The following FILIP1L variants were observed in gnomAD, a reference collection of about 807,000 sequenced individuals.
The protein encoded by FILIP1L is filamin A-interacting protein 1-like.
FILIP1L carries 55 observed loss-of-function variants against 96.6 expected under a neutral mutation model. That is an observed-to-expected ratio of 0.57 (90% CI 0.46 to 0.71). The LOEUF (loss-of-function observed/expected upper bound fraction) is 0.71. Ranked by LOEUF, FILIP1L falls within the 30% of genes least tolerant of loss-of-function variation. The pLI is 0.00. For missense variants in FILIP1L, 1,304 were observed against 1,321.2 expected (o/e 0.99, Z 0.20); for synonymous variants, 467 against 473.9 (o/e 0.99, Z 0.19).
chr3:100,020,698 C>G (rs940719812), intron 1 of FILIP1L, among the ~76,000 whole-genome samples: 1 of 148,610 alleles, frequency 6.7e-6, no homozygotes, highest in Non-Finnish European at 1.5e-5. Flanking sequence ...AATTGCAAAG[C>G]GAGTATACAT....
chr3:99,889,569 A>G (rs1179991349), intron 4 of FILIP1L, among the ~76,000 whole-genome samples: 1 of 151,928 alleles, frequency 6.6e-6, no homozygotes, highest in Non-Finnish European at 1.5e-5. Flanking sequence ...CATTTTGTCT[A>G]TGTTTATAGT....
chr3:100,043,036 G>A (rs1229571075), intron 1 of FILIP1L, among the ~76,000 whole-genome samples: 1 of 152,214 alleles, frequency 6.6e-6, no homozygotes, highest in Non-Finnish European at 1.5e-5. Flanking sequence ...AGCCTTCTTT[G>A]CTCATCTCTC....
intron 1 of FILIP1L, among the ~76,000 whole-genome samples, chr3:99,970,482 T>C (rs954180659): frequency 2.6e-5 from 4 of 152,270 alleles, no homozygotes; most frequent in African/African-American, 9.6e-5. Flanking sequence ...CCCACCCTAT[T>C]TGTGTTCGCT....
chr3:99,829,228 AT>A lies in FILIP1L; in HGVS notation c.*1185del, dbSNP rs71625540. Among the ~76,000 whole-genome samples, 84,888 of 151,816 alleles carry A rather than the reference AT, an allele frequency of 0.56. 24,214 individuals are homozygous for A. Among genetic ancestry groups the A allele is most frequent in the East Asian group, 0.72 (3,705 of 5,146 alleles). On this transcript the variant is annotated 3_prime_UTR_variant, in exon 6 of 6. Coordinates refer to ENST00000477258, the MANE Select transcript of FILIP1L (RefSeq NM_001387850.1). Reference sequence around the variant, plus strand: ...AAAAATGTTTAGTGTCGTTCCATTGATTTTTTTCCCCCCTCGATTGAAGCTT... The same window carrying A: ...AAAAATGTTTAGTGTCGTTCCATTGATTTTTTCCCCCCTCGATTGAAGCTT...
intron 1 of FILIP1L, among the ~76,000 whole-genome samples, chr3:100,055,333 T>C (rs1424096757): frequency 6.6e-6 from 1 of 152,206 alleles, no homozygotes; most frequent in Non-Finnish European, 1.5e-5. Context: ...CCAACATCAC[T>C]GGCACACTCA....
intron 5 of FILIP1L, among the ~76,000 whole-genome samples, chr3:99,842,200 G>A (rs146102945): frequency 1.2e-4 from 19 of 152,262 alleles, no homozygotes; most frequent in African/African-American, 4.3e-4. Context: ...GGATGGAATT[G>A]GAGACTATTG....
chr3:99,830,725 T>C, intron 5 of FILIP1L, 120 bp from the exon 6 acceptor site: 1 of 393,784 alleles, frequency 2.5e-6, no homozygotes, highest in South Asian at 1.9e-5. Flanking sequence ...TTTCTGGGGA[T>C]GTATCAGATC....
At chr3:99,978,276 C>T (rs1709025921) in intron 1 of FILIP1L, among the ~76,000 whole-genome samples, 2 of 152,200 alleles carry the variant, frequency 1.3e-5, no homozygotes, top group Admixed American at 1.3e-4. Context: ...AGCAATCCCA[C>T]TACTGGATAT....
chr3:100,010,149 G>A, intron 1 of FILIP1L: 1 of 973,622 alleles, frequency 1.0e-6, no homozygotes, highest in Non-Finnish European at 1.2e-6. Flanking sequence ...TCTGATTGGA[G>A]CCACATTTCA....
chr3:99,883,009 T>C (rs765674802), intron 4 of FILIP1L, among the ~76,000 whole-genome samples: 7 of 149,178 alleles, frequency 4.7e-5, no homozygotes, highest in Non-Finnish European at 3.0e-5. Context: ...TGCTTGCCAA[T>C]TGGGGGTTCT....
In FILIP1L at chr3:100,114,100, C is replaced by T. The variant is rs1298801475; in HGVS notation, c.-58G>A. 2 of 152,148 alleles carry T rather than the reference C, an allele frequency of 1.3e-5. No homozygotes were observed. The highest frequency in any genetic ancestry group is 3.9e-4 in the East Asian group (2 of 5,188). 9.4% of individuals were successfully genotyped at this position (152,148 alleles called of 1,614,324 possible). On this transcript the variant is annotated 5_prime_UTR_variant, in exon 1 of 6. Transcript: ENST00000477258. ...TGATCACACCTGGTAATTCCTTCTT[C>T]TCATCCCCACCAAAATCCAACAGTG...
At chr3:99,948,225 G>A (rs1708067371) in intron 1 of FILIP1L, among the ~76,000 whole-genome samples, 1 of 152,090 alleles carries the variant, frequency 6.6e-6, no homozygotes. Flanking sequence ...ACCAAAGTTT[G>A]TTTAGAAAAG....
At chr3:100,064,629 A>T (rs1372081358) in intron 1 of FILIP1L, among the ~76,000 whole-genome samples, 2 of 152,232 alleles carry the variant, frequency 1.3e-5, no homozygotes, top group African/African-American at 4.8e-5. Context: ...GGAGACTGGC[A>T]AAAGGGCTTG....
chr3:99,958,778 G>A (rs1233404552), intron 1 of FILIP1L, among the ~76,000 whole-genome samples: 2 of 152,280 alleles, frequency 1.3e-5, no homozygotes, highest in Non-Finnish European at 2.9e-5. Flanking sequence ...GGAGAGGCTG[G>A]TGATGTAGTG....
chr3:99,997,161 G>C (rs1709708707), intron 1 of FILIP1L, among the ~76,000 whole-genome samples: 1 of 152,068 alleles, frequency 6.6e-6, no homozygotes, highest in Non-Finnish European at 1.5e-5. Flanking sequence ...CCATACAAAG[G>C]ATGGACAAAA....
intron 4 of FILIP1L, among the ~76,000 whole-genome samples, chr3:99,912,505 G>A (rs1326528221): frequency 6.6e-6 from 1 of 152,142 alleles, no homozygotes; most frequent in African/African-American, 2.4e-5. Flanking sequence ...AGCCGCCCAG[G>A]TAGCTGGGAC....
At chr3:99,879,228 G>A (rs1705639317) in intron 4 of FILIP1L, among the ~76,000 whole-genome samples, 1 of 152,112 alleles carries the variant, frequency 6.6e-6, no homozygotes, top group African/African-American at 2.4e-5. Context: ...TTCTAATGCG[G>A]GAGAAGGGGT....
Position 99,850,922 on chromosome 3 carries a change from G to A in FILIP1L, c.754C>T (p.Gln252Ter). The change falls in exon 5 of 6, where the codon CAG (glutamine) becomes TAG (stop). Residue 252 changes from glutamine (Q) to a stop codon, truncating the protein, a stop_gained. Coordinates refer to ENST00000477258, the MANE Select transcript of FILIP1L (RefSeq NM_001387850.1). LOFTEE classifies it high-confidence loss of function. ...VVDEQQRLTAQLTLQRQKIQE... is the reference protein window; with the variant it reads ...VVDEQQRLTA Reference sequence around the variant, plus strand: ...ATTTTCTGTCTTTGAAGGGTGAGCTGTGCCGTCAGCCTTTGCTGTTCATCC... The same window carrying A: ...ATTTTCTGTCTTTGAAGGGTGAGCTATGCCGTCAGCCTTTGCTGTTCATCC... The A allele has an allele frequency of 6.2e-7, 1 of 1,614,150 alleles. No individual in the cohort carries two copies. The highest frequency in any genetic ancestry group is 2.2e-5 in the East Asian group (1 of 44,872).
At chr3:100,105,156 A>G (rs1228154100) in intron 1 of FILIP1L, among the ~76,000 whole-genome samples, 1 of 152,202 alleles carries the variant, frequency 6.6e-6, no homozygotes, top group African/African-American at 2.4e-5. Flanking sequence ...AACAGCATAC[A>G]AACATTTATG....
Sources: gnomAD v4.1 joint callset for allele counts (sites outside exome capture counted in the v4.1 genomes callset) on GRCh38, gnomAD v4.1.1 for gene constraint, MANE v1.5 for transcripts, NCBI Gene and HGNC (gene_info 2026-07-23, HGNC 2026-07-21) for gene names.